ACSL6: variants seen among roughly 807,000 people sequenced by gnomAD.
The protein encoded by ACSL6 is acyl-CoA synthetase long chain family member 6, also known as long-chain-fatty-acid--CoA ligase 6.
In ACSL6, 47 loss-of-function variants were observed where a neutral mutation model predicts 98.2. The observed-to-expected ratio is 0.48, with a 90% CI of 0.38 to 0.61. The LOEUF (loss-of-function observed/expected upper bound fraction) is 0.61. Among genes scored for constraint, ACSL6 ranks in the 20% least tolerant of loss-of-function variants. ACSL6 has a pLI of 0.00. For missense variants in ACSL6, 761 were observed against 913.4 expected, an observed-to-expected ratio of 0.83 and a Z score of 2.15; for synonymous variants, 362 against 336.9, an observed-to-expected ratio of 1.07 and a Z score of -0.82.
At chr5:132,002,187 A>G (rs1755121502) in intron 1 of ACSL6, among the ~76,000 whole-genome samples, 1 of 152,188 alleles carries the variant, frequency 6.6e-6, no homozygotes, top group Non-Finnish European at 1.5e-5. Context: ...AGGCACAGGG[A>G]CACTCCCTGG....
At chr5:131,992,204 C>T (rs780338229) in intron 2 of ACSL6, among the ~76,000 whole-genome samples, 2 of 152,248 alleles carry the variant, frequency 1.3e-5, no homozygotes, top group African/African-American at 4.8e-5. Context: ...GAACTGTAGG[C>T]GATTCATGGA....
In ACSL6 at chr5:131,959,393, G is replaced by T. The variant is rs1485126042; in HGVS notation, c.2031+143C>A. Reference sequence around the variant, plus strand: ...TGGTTCAGGAGGCAGCTTGGAACAGGCCTTCAGGGGTCCATTGGTACACAG... The same window carrying T: ...TGGTTCAGGAGGCAGCTTGGAACAGTCCTTCAGGGGTCCATTGGTACACAG... On this transcript the variant is annotated intron_variant, in intron 20 of 20. Coordinates refer to ENST00000651883, the MANE Select transcript of ACSL6 (RefSeq NM_001009185.3). 3.7e-6 allele frequency: 3 copies of T among 812,038 alleles called. No individual in the cohort carries two copies. In the African/African-American group the frequency reaches 5.2e-5, roughly 14 times the overall value. 50.3% of individuals were successfully genotyped at this position (812,038 alleles called of 1,614,324 possible). A position where few individuals can be genotyped will look rare whatever the true frequency, so the allele number is the denominator to read the frequency against.
At chr5:131,962,364 C>T (rs188642701) in intron 18 of ACSL6, among the ~76,000 whole-genome samples, 171 bp downstream of exon 18, 1 of 152,070 alleles carries the variant, frequency 6.6e-6, no homozygotes, top group Non-Finnish European at 1.5e-5. Context: ...ATTTACTTGA[C>T]CTAATTACAT....
rs1038116980 is a variant in ACSL6 at position 132,004,219 on chromosome 5, C to CTT, written c.49+7284_49+7285dup. On this transcript the variant is annotated intron_variant, in intron 1 of 20. Transcript: ENST00000651883. The stretch of plus-strand genomic sequence containing the variant: ...TCCATGCCAAGGTCAGGCTTCTATC[C>CTT]TTTTTTTTTTTTTTTGGCTGACTTT... Among the ~76,000 whole-genome samples, 164 of 138,984 alleles carry CTT rather than the reference C, an allele frequency of 1.2e-3. 1 individual carries two copies. The highest frequency in any genetic ancestry group is 6.3e-3 in the South Asian group (27 of 4,256). The allele number at this position is 138,984 out of a possible 152,430, so 91.2% of individuals were successfully genotyped here.
At chr5:131,973,243 T>G in intron 12 of ACSL6, 23 bp downstream of exon 12, 1 of 1,611,278 alleles carries the variant, frequency 6.2e-7, no homozygotes, top group East Asian at 2.2e-5. Context: ...TCAGCCTGGC[T>G]GAAGACTCCC....
chr5:131,970,411 AT>A lies in ACSL6; in HGVS notation c.1435-212del, dbSNP rs35083562. ...GCCACATTTGCTTGGAAGAAGTGCT[AT>A]TTTTTTTTTTTTTTTGAGACGGAGT... On this transcript the variant is annotated intron_variant, in intron 14 of 20. Transcript: ENST00000651883. 7.3e-3 allele frequency among the ~76,000 whole-genome samples: 1,016 copies of A among 139,430 alleles called. 4 individuals carry two copies. Among genetic ancestry groups the A allele is most frequent in the South Asian group, 0.037 (158 of 4,322 alleles). 91.5% of individuals were successfully genotyped at this position (139,430 alleles called of 152,430 possible). A position where few individuals can be genotyped will look rare whatever the true frequency, so the allele number is the denominator to read the frequency against.
At chr5:132,010,036 A>G (rs931092935) in intron 1 of ACSL6, among the ~76,000 whole-genome samples, 3 of 152,154 alleles carry the variant, frequency 2.0e-5, no homozygotes, top group African/African-American at 7.2e-5. Flanking sequence ...TACGACCACC[A>G]TCACCATTAT....
chr5:131,971,686 G>C (rs750157343), intron 13 of ACSL6, 41 bp from the exon 14 acceptor site: 1 of 1,543,118 alleles, frequency 6.5e-7, no homozygotes, highest in South Asian at 1.2e-5. Flanking sequence ...TGTGATGTCT[G>C]AGATGGTGTC....
chr5:131,956,487 C>T (rs1285276491), intron 20 of ACSL6, among the ~76,000 whole-genome samples: 1 of 152,172 alleles, frequency 6.6e-6, no homozygotes, highest in Non-Finnish European at 1.5e-5. Flanking sequence ...CTTTCAGTCC[C>T]TTAGTGAGCA....
intron 7 of ACSL6, 65 bp downstream of exon 7, chr5:131,987,983 C>T: frequency 4.4e-6 from 7 of 1,581,560 alleles, no homozygotes; most frequent in South Asian, 1.2e-5. Flanking sequence ...GACAGATAAC[C>T]AGAAGTTCTG....
chr5:132,011,924 G>T, upstream of ACSL6: 2 of 1,556,122 alleles, frequency 1.3e-6, no homozygotes, highest in African/African-American at 2.7e-5. The surrounding 1 kb of genome is among the most constrained non-coding windows in gnomAD (Gnocchi z 5.4). Flanking sequence ...CTGGCATTCT[G>T]CGGAAACCGG....
intron 1 of ACSL6, among the ~76,000 whole-genome samples, chr5:132,009,843 C>T (rs539005691): frequency 1.3e-5 from 2 of 152,264 alleles, no homozygotes; most frequent in East Asian, 1.9e-4. Flanking sequence ...CTGCTGATGA[C>T]CCCGGTCACA....
chr5:132,000,789 C>A (rs1218569359), intron 1 of ACSL6, among the ~76,000 whole-genome samples: 1 of 152,194 alleles, frequency 6.6e-6, no homozygotes, highest in African/African-American at 2.4e-5. Context: ...CAAATTTAAC[C>A]CTGCTCCCTT....
At position 131,989,329 on chromosome 5, in the gene ACSL6, A is replaced by G. The variant is rs940757172; in HGVS notation, c.552+78T>C. On this transcript the variant is annotated intron_variant, in intron 5 of 20. Transcript: ENST00000651883. Reference sequence around the variant, plus strand: ...TTCTTTTGTCCTGGGCCCTACAAACAGTGAAAGCAGGACTATTCCATGGCA... The same window carrying G: ...TTCTTTTGTCCTGGGCCCTACAAACGGTGAAAGCAGGACTATTCCATGGCA... The G allele has an allele frequency of 4.4e-6, 6 of 1,350,188 alleles. 1 individual carries two copies. In the African/African-American group the frequency reaches 8.7e-5, roughly 20 times the overall value. 83.6% of individuals were successfully genotyped at this position (1,350,188 alleles called of 1,614,324 possible).
chr5:132,012,057 G>A, upstream of ACSL6: 1 of 1,243,502 alleles, frequency 8.0e-7, no homozygotes, highest in Non-Finnish European at 1.1e-6. Flanking sequence ...TTATGGCTGG[G>A]CAGGCTCGAA....
At chr5:131,967,792 G>A (rs1753096698) in intron 16 of ACSL6, 148 bp downstream of exon 16, 1 of 588,948 alleles carries the variant, frequency 1.7e-6, no homozygotes, top group Non-Finnish European at 2.9e-6. Flanking sequence ...CAGGAGAGGA[G>A]ATGCTGAGTT....
intron 6 of ACSL6, chr5:131,988,465 C>T: frequency 6.6e-7 from 1 of 1,523,506 alleles, no homozygotes; most frequent in Non-Finnish European, 9.0e-7. Context: ...CCCTTTGTTC[C>T]AGGCTCTGCC....
At chr5:131,992,593 G>A (rs1009326347) in intron 2 of ACSL6, among the ~76,000 whole-genome samples, 2 of 152,036 alleles carry the variant, frequency 1.3e-5, no homozygotes, top group East Asian at 1.9e-4. Context: ...CCCTACACAC[G>A]AGCCAGGGTC....
intron 1 of ACSL6, among the ~76,000 whole-genome samples, chr5:132,005,328 T>C (rs1296382170): frequency 6.6e-6 from 1 of 152,116 alleles, no homozygotes; most frequent in African/African-American, 2.4e-5. Flanking sequence ...CAGGGCAGAG[T>C]GGCCAGAGCT....
Sources: gnomAD v4.1 joint callset for allele counts (sites outside exome capture counted in the v4.1 genomes callset) on GRCh38, gnomAD v4.1.1 for gene constraint, Gnocchi (gnomAD v3.1) non-coding constraint, MANE v1.5 for transcripts, NCBI Gene and HGNC (gene_info 2026-07-23, HGNC 2026-07-21) for gene names.